SEMA3D: variants seen among roughly 807,000 people sequenced by gnomAD.
SEMA3D encodes semaphorin 3D.
A neutral mutation model predicts 100.1 loss-of-function variants in SEMA3D; 84 were observed. That is an observed-to-expected ratio of 0.84 (90% CI 0.70 to 1.01). The LOEUF (loss-of-function observed/expected upper bound fraction) is 1.01, where lower values mean the gene tolerates loss of function less well. Among genes scored for constraint, SEMA3D ranks in the 50% least tolerant of loss-of-function variants. The probability of loss-of-function intolerance (pLI) is 0.00; values close to 1 mark genes in which losing one functional copy is unlikely to be tolerated. For synonymous variants in SEMA3D, 312 were observed against 320.7 expected (o/e 0.97, Z 0.29); for missense variants, 875 against 934.1 (o/e 0.94, Z 0.82).
chr7:85,072,926 A>T (rs1247539284), intron 6 of SEMA3D, 36 bp downstream of exon 6: 1 of 1,527,362 alleles, frequency 6.5e-7, no homozygotes, highest in African/African-American at 1.4e-5. Flanking sequence ...ATGTATTACA[A>T]TAAATTATGC....
intron 2 of SEMA3D, among the ~76,000 whole-genome samples, chr7:85,146,724 T>A (rs1387536639): frequency 6.6e-6 from 1 of 151,946 alleles, no homozygotes; most frequent in Non-Finnish European, 1.5e-5. Context: ...CAGTCTTCCG[T>A]TTACAAATAT....
chr7:85,141,515 C>T (rs1008663690), intron 2 of SEMA3D: 1 of 984,796 alleles, frequency 1.0e-6, no homozygotes, highest in African/African-American at 1.7e-5. Flanking sequence ...AGGATCACTG[C>T]CCTACATGAA....
rs932476163 is a variant in SEMA3D at position 85,029,004 on chromosome 7, T to C, written c.1192-6391A>G. ...CTCAAAATGTTCAAGATTTTCTGTT[T>C]TTGGATGTCACTCCTCTTTCCCTTG... On this transcript the variant is annotated intron_variant, in intron 12 of 18. Coordinates refer to ENST00000284136, the MANE Select transcript of SEMA3D (RefSeq NM_001384900.1). The C allele has an allele frequency of 7.2e-5, 28 of 390,884 alleles. No individual in the cohort carries two copies. The South Asian group carries it at 7.2e-4, about 10-fold the overall frequency. 24.2% of individuals were successfully genotyped at this position (390,884 alleles called of 1,614,324 possible).
intron 1 of SEMA3D, among the ~76,000 whole-genome samples, chr7:85,174,341 C>T (rs901859207): frequency 1.3e-5 from 2 of 151,976 alleles, no homozygotes; most frequent in African/African-American, 4.8e-5. Flanking sequence ...ACAATAAATA[C>T]TCATTAAAGA....
At chr7:85,137,207 T>G (rs1290050073) in intron 2 of SEMA3D, among the ~76,000 whole-genome samples, 1 of 151,856 alleles carries the variant, frequency 6.6e-6, no homozygotes, top group Non-Finnish European at 1.5e-5. Context: ...TTTTATCAAA[T>G]AGAGAAGTAA....
At chr7:85,080,513 T>C (rs1465197733) in intron 5 of SEMA3D, among the ~76,000 whole-genome samples, 1 of 152,128 alleles carries the variant, frequency 6.6e-6, no homozygotes, top group African/African-American at 2.4e-5. Flanking sequence ...ACCCCCGCAT[T>C]ATTGTGGTTA....
intron 4 of SEMA3D, among the ~76,000 whole-genome samples, chr7:85,097,041 C>CTTA (rs894764519): frequency 6.6e-6 from 1 of 151,680 alleles, no homozygotes; most frequent in African/African-American, 2.4e-5. Context: ...ATTATGTAAT[C>CTTA]TTATCAGCCA....
chr7:85,182,322 C>T (rs1220373261), intron 1 of SEMA3D, among the ~76,000 whole-genome samples: 1 of 151,810 alleles, frequency 6.6e-6, no homozygotes, highest in Non-Finnish European at 1.5e-5. Context: ...GGGGTAAAGC[C>T]CTAATATTAG....
chr7:85,209,276 GTGTGTGTATATATATGTATA>G, the SEMA3D span, among the ~76,000 whole-genome samples: 1 of 151,562 alleles, frequency 6.6e-6, no homozygotes, highest in South Asian at 2.1e-4. Context: ...ATATATATAC[GTGTGTGTATATATATGTATA>G]TGTGTGTATA....
At chr7:85,217,280 C>G in the SEMA3D span, among the ~76,000 whole-genome samples, 1 of 151,926 alleles carries the variant, frequency 6.6e-6, no homozygotes, top group African/African-American at 2.4e-5. Flanking sequence ...GCTGCATATG[C>G]CTGTTTCCAA....
chr7:85,249,704 T>G, the SEMA3D span, among the ~76,000 whole-genome samples: 2 of 152,348 alleles, frequency 1.3e-5, no homozygotes, highest in East Asian at 1.9e-4. Context: ...GAACCTGAAC[T>G]ATATAACTGA....
intron 1 of SEMA3D, among the ~76,000 whole-genome samples, chr7:85,168,840 A>C (rs1192376090): frequency 1.6e-5 from 1 of 62,194 alleles, no homozygotes; most frequent in Non-Finnish European, 3.4e-5. Context: ...AAAGAAAGAA[A>C]GAAAGAAAGA....
chr7:85,023,988 A>G (rs77014110), intron 12 of SEMA3D, among the ~76,000 whole-genome samples: 2,731 of 152,084 alleles, frequency 0.018, 88 homozygotes, highest in African/African-American at 0.062. Context: ...GAAACGTCCT[A>G]GAATATTATC....
At chr7:85,021,120 G>T (rs377590148) in intron 13 of SEMA3D, among the ~76,000 whole-genome samples, 4 of 151,572 alleles carry the variant, frequency 2.6e-5, no homozygotes, top group African/African-American at 9.7e-5. Context: ...GTATAGTAAC[G>T]TATATAATAA....
intron 1 of SEMA3D, among the ~76,000 whole-genome samples, chr7:85,163,869 A>C (rs1397466303): frequency 1.3e-5 from 2 of 152,142 alleles, no homozygotes; most frequent in Non-Finnish European, 2.9e-5. Flanking sequence ...CCAATCTTTC[A>C]AATATAACTT....
At chr7:85,149,189 A>C (rs1186364684) in intron 2 of SEMA3D, among the ~76,000 whole-genome samples, 4 of 152,156 alleles carry the variant, frequency 2.6e-5, no homozygotes, top group Admixed American at 2.6e-4. Flanking sequence ...TCATGCCTGT[A>C]ATCTCAGCAC....
chr7:85,040,704 G>A lies in SEMA3D; in HGVS notation c.1015C>T (p.Pro339Ser), dbSNP rs759529991. 3.4e-6 allele frequency: 5 copies of A among 1,477,784 alleles called. No individual in the cohort carries two copies. The African/African-American group carries it at 5.6e-5, about 16-fold the overall frequency. The allele number at this position is 1,477,784 out of a possible 1,614,324, so 91.5% of individuals were successfully genotyped here. A position where few individuals can be genotyped will look rare whatever the true frequency, so the allele number is the denominator to read the frequency against. Residue 339 changes from proline (P) to serine (S), a missense_variant, in exon 11 of 19, where the codon CCT (proline) becomes TCT (serine). Coordinates refer to ENST00000284136, the MANE Select transcript of SEMA3D (RefSeq NM_001384900.1). ...YLLPTRDERN[P>S]VVYGVFTTTS... ...GTAGTAAAGACTCCATATACTACAG[G>A]ATTTCTTTCATCTCTTGTGGGGAGT... is the stretch of plus-strand genomic sequence containing the variant.
rs560360137 is a variant in SEMA3D at position 85,040,354 on chromosome 7, A to T, written c.1046+319T>A. On this transcript the variant is annotated intron_variant, in intron 11 of 18. Coordinates refer to ENST00000284136, the MANE Select transcript of SEMA3D (RefSeq NM_001384900.1). ...ATACGTTTGTTCCTATGGGGAAGGT[A>T]TATGCACAAGTTTAGTCACTGAAGC... Among the ~76,000 whole-genome samples the T allele has an allele frequency of 7.9e-5, 12 of 152,196 alleles. No individual in the cohort carries two copies. In the South Asian group the frequency reaches 1.5e-3, roughly 18 times the overall value.
At chr7:85,030,225 T>TA (rs1266151983) in intron 12 of SEMA3D, among the ~76,000 whole-genome samples, 5 of 150,738 alleles carry the variant, frequency 3.3e-5, no homozygotes, top group East Asian at 2.0e-4. Flanking sequence ...ACTACCTAGA[T>TA]AAAAAAAAGT....
Sources: allele counts gnomAD v4.1 joint callset (sites outside exome capture counted in the v4.1 genomes callset), GRCh38; gene constraint gnomAD v4.1.1; transcripts MANE v1.5; gene names NCBI Gene and HGNC (gene_info 2026-07-23, HGNC 2026-07-21).